CDH23: variants seen among roughly 807,000 people sequenced by gnomAD.
CDH23 encodes cadherin related 23, also known as cadherin-23.
Under a neutral mutation model 317.1 loss-of-function variants are expected in CDH23, and 189 were observed. The ratio of observed to expected loss-of-function variants is 0.60; its 90% CI spans 0.53 to 0.67. The LOEUF is 0.67. CDH23 is among the 30% of genes least tolerant of loss of function. The probability of loss-of-function intolerance (pLI) is 0.00; values close to 1 mark genes in which losing one functional copy is unlikely to be tolerated. For missense variants in CDH23, 4,401 were observed against 4,592.4 expected, an observed-to-expected ratio of 0.96 and a Z score of 1.20; for synonymous variants, 1,839 against 1,876.8, an observed-to-expected ratio of 0.98 and a Z score of 0.52.
Position 71,788,908 on chromosome 10 carries a change from G to A in CDH23, c.5821-32G>A, listed in dbSNP as rs569513304. ...AGGTGGGGGCACTTTGCTGAGCATG[G>A]CCTACAACGTGCCCCATTCTGCCCC... is the stretch of plus-strand genomic sequence containing the variant. On this transcript the variant is annotated intron_variant, in intron 44 of 69. Transcript: ENST00000224721. 90 of 1,119,314 alleles carry A rather than the reference G, an allele frequency of 8.0e-5. No individual in the cohort carries two copies. The South Asian group carries it at 1.1e-3, about 13-fold the overall frequency. 69.3% of individuals were successfully genotyped at this position (1,119,314 alleles called of 1,614,324 possible). A position where few individuals can be genotyped will look rare whatever the true frequency, so the allele number is the denominator to read the frequency against.
rs142638437 is a variant in CDH23 at position 71,685,940 on chromosome 10, A to G, written c.1987-1707A>G. Reference sequence around the variant, plus strand: ...ATTGGAATTTAAAAACCCAGCAGCAATGAAGTTGTTGATGGCAGCATTTCC... The same window carrying G: ...ATTGGAATTTAAAAACCCAGCAGCAGTGAAGTTGTTGATGGCAGCATTTCC... On this transcript the variant is annotated intron_variant, in intron 18 of 69. Coordinates refer to ENST00000224721, the MANE Select transcript of CDH23 (RefSeq NM_022124.6). 8.5e-5 allele frequency among the ~76,000 whole-genome samples: 13 copies of G among 152,224 alleles called. No individual in the cohort carries two copies. The East Asian group carries it at 2.1e-3, about 25-fold the overall frequency.
intron 3 of CDH23, among the ~76,000 whole-genome samples, chr10:71,488,137 G>A (rs1396910451): frequency 6.6e-6 from 1 of 152,258 alleles, no homozygotes; most frequent in African/African-American, 2.4e-5. Context: ...AGGAGAGTGG[G>A]AGATGGACCA....
intron 21 of CDH23, among the ~76,000 whole-genome samples, chr10:71,695,149 A>T (rs1564738201): frequency 6.6e-6 from 1 of 152,166 alleles, no homozygotes; most frequent in Admixed American, 6.5e-5. Flanking sequence ...GGATGGGGGA[A>T]GCCCCAGGTC....
intron 38 of CDH23, among the ~76,000 whole-genome samples, chr10:71,776,027 C>T: frequency 6.6e-6 from 1 of 152,168 alleles, no homozygotes; most frequent in Non-Finnish European, 1.5e-5. Flanking sequence ...ACATTTCCCA[C>T]ATTCCCAAAC....
intron 6 of CDH23, among the ~76,000 whole-genome samples, chr10:71,543,125 C>A (rs1468075101): frequency 1.3e-5 from 2 of 152,242 alleles, no homozygotes; most frequent in Non-Finnish European, 2.9e-5. Flanking sequence ...TCCTCCAGGG[C>A]CCCATTCAGC....
At chr10:71,700,923 C>T (rs1188622828) in intron 22 of CDH23, among the ~76,000 whole-genome samples, 2 of 152,202 alleles carry the variant, frequency 1.3e-5, no homozygotes, top group African/African-American at 4.8e-5. Context: ...GCTGCCAAAG[C>T]ACAAAAGGCT....
intron 1 of CDH23, among the ~76,000 whole-genome samples, chr10:71,402,283 G>A (rs1847814884): frequency 6.6e-6 from 1 of 152,218 alleles, no homozygotes; most frequent in South Asian, 2.1e-4. Flanking sequence ...AGCAGGTTCA[G>A]TTTTAGCATT....
rs2133006770 is a variant in CDH23, at chr10:71,812,502, C to T, written c.9403C>T (p.Pro3135Ser). The T allele has an allele frequency of 7.3e-7, 1 of 1,378,712 alleles. No homozygotes were observed. Among genetic ancestry groups the T allele is most frequent in the Admixed American group, 1.9e-5 (1 of 52,466 alleles). The allele number at this position is 1,378,712 out of a possible 1,614,324, so 85.4% of individuals were successfully genotyped here. ...FDGANPVWLD[P>S]FCRNLELAAQ... Reference sequence around the variant, plus strand: ...CAGAGCCAACCCTGTGTGGCTGGATCCCTTCTGTCGGAACCTGGAGCTGGC... The same window carrying T: ...CAGAGCCAACCCTGTGTGGCTGGATTCCTTCTGTCGGAACCTGGAGCTGGC... Residue 3135 changes from proline (P) to serine (S), a missense_variant, in exon 67 of 70, where the codon CCC becomes TCC. Physicochemically the swap from Pro to Ser is moderately conservative, Grantham distance 74. Around this residue, in one of 3 missense-constraint regions of CDH23, gnomAD observed 1,144 missense variants for 1,138.2 expected, o/e 1.01. Transcript: ENST00000224721.
At chr10:71,464,552 A>C (rs1851156206) in intron 3 of CDH23, among the ~76,000 whole-genome samples, 1 of 151,690 alleles carries the variant, frequency 6.6e-6, no homozygotes, top group African/African-American at 2.4e-5. Context: ...ATCAGTGATG[A>C]GGACTTGTCT....
intron 11 of CDH23, among the ~76,000 whole-genome samples, chr10:71,627,114 G>A (rs1861772042): frequency 6.6e-6 from 1 of 152,180 alleles, no homozygotes. Context: ...TGGGGCCCCG[G>A]TGAGCACCTC....
chr10:71,588,149 C>T (rs1859209119), intron 9 of CDH23, among the ~76,000 whole-genome samples: 1 of 152,140 alleles, frequency 6.6e-6, no homozygotes, highest in East Asian at 1.9e-4. Context: ...GCCCATCAGC[C>T]ACCTCCCACC....
rs191300884 is a variant in CDH23, at chr10:71,500,158, A to G, written c.146-9924A>G. On this transcript the variant is annotated intron_variant, in intron 3 of 69. Coordinates refer to ENST00000224721, the MANE Select transcript of CDH23 (RefSeq NM_022124.6). ...AACACAAAGAAATGATAAGTGTTTG[A>G]GGTGATGGATATCCTAAATACTGTG... Among the ~76,000 whole-genome samples the G allele has an allele frequency of 7.1e-3, 1,085 of 152,318 alleles. 20 individuals are homozygous for G. The highest frequency in any genetic ancestry group is 0.031 in the Middle Eastern group (9 of 294).
intron 3 of CDH23, among the ~76,000 whole-genome samples, chr10:71,469,459 G>A (rs2132082031): frequency 6.6e-6 from 1 of 152,254 alleles, no homozygotes; most frequent in African/African-American, 2.4e-5. Flanking sequence ...TTTATATTGT[G>A]TATAACCACA....
Position 71,793,410 on chromosome 10 carries a change from C to A in CDH23, c.6482C>A (p.Thr2161Asn), listed in dbSNP as rs749916506. The change falls in exon 48 of 70, where the codon ACC becomes AAC. Residue 2161 changes from threonine to asparagine, a missense_variant. Thr to Asn is a moderately conservative substitution (Grantham distance 65). This residue lies in a region of CDH23 where 3,068 missense variants were observed against 3,203.3 expected (regional missense o/e 0.96). Coordinates refer to ENST00000224721, the MANE Select transcript of CDH23 (RefSeq NM_022124.6). ...TVPLSGTAIV[T>N]ILIDDINDSR... ...CCTCTCTCGGGCACAGCCATTGTCA[C>A]CATTCTGATCGATGACATCAATGAC... 42 of 1,613,912 alleles carry A rather than the reference C, an allele frequency of 2.6e-5. No individual in the cohort carries two copies. Among genetic ancestry groups the A allele is most frequent in the Non-Finnish European group, 3.3e-5 (39 of 1,179,906 alleles).
intron 6 of CDH23, among the ~76,000 whole-genome samples, chr10:71,518,329 C>T (rs906426684): frequency 6.6e-6 from 1 of 152,216 alleles, no homozygotes; most frequent in African/African-American, 2.4e-5. Flanking sequence ...CTGCCAGCAT[C>T]TTTGCATGTA....
chr10:71,480,623 G>A (rs982012449), intron 3 of CDH23, among the ~76,000 whole-genome samples: 3 of 152,174 alleles, frequency 2.0e-5, no homozygotes, highest in African/African-American at 7.2e-5. Flanking sequence ...AGATGGAGCA[G>A]GACCTGCTGC....
chr10:71,426,650 T>C (rs887333723), intron 1 of CDH23, among the ~76,000 whole-genome samples: 1 of 152,234 alleles, frequency 6.6e-6, no homozygotes, highest in Admixed American at 6.5e-5. Flanking sequence ...TCACTTAGTT[T>C]TGATAAGCTT....
chr10:71,433,092 G>A (rs926246867), intron 1 of CDH23, among the ~76,000 whole-genome samples: 1 of 152,180 alleles, frequency 6.6e-6, no homozygotes, highest in Non-Finnish European at 1.5e-5. Flanking sequence ...GCAGAAGATA[G>A]GCGGAATGCA....
At position 71,738,719 on chromosome 10, in the gene CDH23, G is replaced by C. The variant is rs528370339; in HGVS notation, c.4359+72G>C. On this transcript the variant is annotated intron_variant, in intron 35 of 69. Coordinates refer to ENST00000224721, the MANE Select transcript of CDH23 (RefSeq NM_022124.6). ...TCCCACAGCTCTCACAGCTGGAGGGGCCTTCTGAGCCACCCCCATCACCAA... is the reference window on the plus strand; with the variant it reads ...TCCCACAGCTCTCACAGCTGGAGGGCCCTTCTGAGCCACCCCCATCACCAA... The C allele has an allele frequency of 1.5e-4, 225 of 1,526,608 alleles. No individual in the cohort carries two copies. In the African/African-American group the frequency reaches 2.8e-3, roughly 19 times the overall value. 94.6% of individuals were successfully genotyped at this position (1,526,608 alleles called of 1,614,324 possible). A position where few individuals can be genotyped will look rare whatever the true frequency, so the allele number is the denominator to read the frequency against.
Sources: gnomAD v4.1 joint callset for allele counts (sites outside exome capture counted in the v4.1 genomes callset) on GRCh38, gnomAD v4.1.1 for gene constraint, gnomAD v4.1.1 regional missense constraint, MANE v1.5 for transcripts, NCBI Gene and HGNC (gene_info 2026-07-23, HGNC 2026-07-21) for gene names.